GCNT1: variants seen among roughly 807,000 people sequenced by gnomAD.
GCNT1 encodes glucosaminyl (N-acetyl) transferase 1.
Under a neutral mutation model 26.2 loss-of-function variants are expected in GCNT1, and 16 were observed. That is an observed-to-expected ratio of 0.61 (90% CI 0.41 to 0.93). The LOEUF is 0.93. Among genes scored for constraint, GCNT1 ranks in the 40% least tolerant of loss-of-function variants. The pLI, the probability that GCNT1 is intolerant of heterozygous loss-of-function variation, is 0.00. For missense variants in GCNT1, 477 were observed against 526.7 expected (o/e 0.91, Z 0.92); for synonymous variants, 183 against 190.8 (o/e 0.96, Z 0.34).
intron 2 of GCNT1, among the ~76,000 whole-genome samples, chr9:76,478,750 G>C (rs1451111577): frequency 6.6e-6 from 1 of 152,130 alleles, no homozygotes; most frequent in Admixed American, 6.5e-5. Context: ...CCATTAGGAT[G>C]GTCTTCATTC....
At chr9:76,405,066 G>A in the GCNT1 span, among the ~76,000 whole-genome samples, 1 of 152,008 alleles carries the variant, frequency 6.6e-6, no homozygotes, top group Non-Finnish European at 1.5e-5. Flanking sequence ...TGATCTGCCC[G>A]CCTCAGCCTC....
upstream of GCNT1, among the ~76,000 whole-genome samples, chr9:76,415,513 TATCATCTGTCAATTTAATTC>T (rs1823125144): frequency 6.6e-6 from 1 of 152,216 alleles, no homozygotes; most frequent in Non-Finnish European, 1.5e-5. Flanking sequence ...CTTGTTAATT[TATCATCTGTCAATTTAATTC>T]ATGGCCTAGC....
intron 2 of GCNT1, among the ~76,000 whole-genome samples, chr9:76,468,378 T>G (rs1379691104): frequency 6.6e-6 from 1 of 152,168 alleles, no homozygotes. Flanking sequence ...AGGCTTTAAA[T>G]TAGAGCATCT....
chr9:76,465,613 C>CTT (rs146093281), intron 2 of GCNT1, among the ~76,000 whole-genome samples: 67 of 152,348 alleles, frequency 4.4e-4, no homozygotes, highest in African/African-American at 1.6e-3. Flanking sequence ...CTGAGCCAGA[C>CTT]TTGTTACGCA....
chr9:76,492,252 T>C (rs1199191015), intron 2 of GCNT1, among the ~76,000 whole-genome samples: 1 of 152,136 alleles, frequency 6.6e-6, no homozygotes, highest in East Asian at 1.9e-4. Flanking sequence ...ATGGGTAACT[T>C]GTTCCCCATA....
the GCNT1 span, among the ~76,000 whole-genome samples, chr9:76,400,296 A>G: frequency 2.0e-5 from 3 of 152,162 alleles, no homozygotes; most frequent in Non-Finnish European, 4.4e-5. Context: ...TCTGACATCA[A>G]CGTTCACACC....
intron 2 of GCNT1, among the ~76,000 whole-genome samples, chr9:76,472,991 T>G (rs543201429): frequency 2.0e-5 from 3 of 152,216 alleles, no homozygotes; most frequent in East Asian, 3.9e-4. Flanking sequence ...TCAGATGATT[T>G]GCCCACCTCG....
the GCNT1 span, chr9:76,398,641 A>G: frequency 3.2e-5 from 30 of 947,502 alleles, no homozygotes; most frequent in Non-Finnish European, 4.8e-5. Flanking sequence ...CTACCTACAG[A>G]GGGGCCCATA....
chr9:76,507,345 T>C lies in GCNT1; in HGVS notation c.*3677T>C, dbSNP rs911173442. The C allele has an allele frequency of 3.0e-5, 5 of 167,068 alleles. No individual in the cohort carries two copies. The highest frequency in any genetic ancestry group is 7.3e-5 in the Non-Finnish European group (5 of 68,114). 10.3% of individuals were successfully genotyped at this position (167,068 alleles called of 1,614,324 possible). On this transcript the variant is annotated 3_prime_UTR_variant, in exon 4 of 4. Transcript: ENST00000376730. ...ATGGTCACTGTAAGTTTTACTCTTT[T>C]GAATGAGGGTGCGACAGAATGCAGT... is the stretch of plus-strand genomic sequence containing the variant.
chr9:76,436,382 G>A (rs1043771621), intron 1 of GCNT1, among the ~76,000 whole-genome samples: 2 of 151,724 alleles, frequency 1.3e-5, no homozygotes, highest in Non-Finnish European at 2.9e-5. Flanking sequence ...GAGGTCAGGA[G>A]TTCAAGATCA....
upstream of GCNT1, among the ~76,000 whole-genome samples, chr9:76,417,511 C>T (rs7847608): frequency 0.77 from 117,512 of 152,116 alleles, 46,114 homozygotes; most frequent in Middle Eastern, 0.86. Flanking sequence ...AATGTTTTTA[C>T]GTCAACTGAA....
At chr9:76,466,954 GA>G (rs1824009152) in intron 2 of GCNT1, among the ~76,000 whole-genome samples, 1 of 152,182 alleles carries the variant, frequency 6.6e-6, no homozygotes, top group African/African-American at 2.4e-5. Context: ...CTGTACACCT[GA>G]AATAGCCTTG....
intron 2 of GCNT1, among the ~76,000 whole-genome samples, chr9:76,493,928 C>T (rs1023292420): frequency 1.3e-5 from 2 of 152,026 alleles, no homozygotes; most frequent in Non-Finnish European, 2.9e-5. Flanking sequence ...GGCCATAGTG[C>T]AGAAAAAAAT....
the GCNT1 span, among the ~76,000 whole-genome samples, chr9:76,412,647 G>T: frequency 6.6e-6 from 1 of 152,100 alleles, no homozygotes; most frequent in East Asian, 1.9e-4. Context: ...TTGAACACAG[G>T]TTTAATTTTC....
chr9:76,490,740 C>T (rs1824710193), intron 2 of GCNT1, among the ~76,000 whole-genome samples: 1 of 140,134 alleles, frequency 7.1e-6, no homozygotes, highest in East Asian at 2.2e-4. Flanking sequence ...TTGAGCAGAC[C>T]AATTATTAGG....
upstream of GCNT1, among the ~76,000 whole-genome samples, chr9:76,454,569 G>C (rs922682582): frequency 1.4e-5 from 2 of 144,760 alleles, no homozygotes; most frequent in Non-Finnish European, 3.0e-5. Context: ...ATCTCATCTT[G>C]AATTGTAATC....
chr9:76,413,676 T>TTG, the GCNT1 span, among the ~76,000 whole-genome samples: 1 of 150,212 alleles, frequency 6.7e-6, no homozygotes, highest in African/African-American at 2.4e-5. Flanking sequence ...TTGTTTTTTT[T>TTG]TTTTTTTTGG....
chr9:76,444,151 A>G (rs758285708), intron 1 of GCNT1, among the ~76,000 whole-genome samples: 6 of 152,122 alleles, frequency 3.9e-5, no homozygotes, highest in Non-Finnish European at 5.9e-5. Context: ...CCGGGAGAAG[A>G]AGATAAGGAG....
intron 1 of GCNT1, among the ~76,000 whole-genome samples, chr9:76,448,732 G>A (rs996633658): frequency 8.5e-5 from 13 of 152,098 alleles, no homozygotes; most frequent in Admixed American, 5.9e-4. Flanking sequence ...GTACTCTTTC[G>A]TGTTTGGCAT....
Sources: gnomAD v4.1 joint callset for allele counts (sites outside exome capture counted in the v4.1 genomes callset) on GRCh38, gnomAD v4.1.1 for gene constraint, MANE v1.5 for transcripts, NCBI Gene and HGNC (gene_info 2026-07-23, HGNC 2026-07-21) for gene names.